The following RET variants were observed in gnomAD, a reference collection of about 807,000 sequenced individuals.
RET encodes proto-oncogene tyrosine-protein kinase receptor Ret.
A neutral mutation model predicts 118.3 loss-of-function variants in RET; 19 were observed. The observed-to-expected ratio is 0.16, with a 90% CI of 0.11 to 0.24. The LOEUF (loss-of-function observed/expected upper bound fraction) is 0.24, where lower values mean the gene tolerates loss of function less well. Ranked by LOEUF, RET falls within the 10% of genes least tolerant of loss-of-function variation. RET has a pLI of 1.00. For missense variants in RET, 1,219 were observed against 1,502.1 expected, an observed-to-expected ratio of 0.81 and a Z score of 3.12; for synonymous variants, 597 against 644.1, an observed-to-expected ratio of 0.93 and a Z score of 1.11.
intron 19 of RET, chr10:43,127,455 G>A: frequency 1.9e-6 from 2 of 1,048,684 alleles, no homozygotes; most frequent in Non-Finnish European, 2.3e-6. Flanking sequence ...CAGTAAATAT[G>A]GTTCTTGCCA....
chr10:43,095,308 G>A (rs1338025781), intron 1 of RET, among the ~76,000 whole-genome samples: 1 of 152,084 alleles, frequency 6.6e-6, no homozygotes, highest in African/African-American at 2.4e-5. Context: ...CTGTCTCGTG[G>A]ACTGCCCGGG....
intron 1 of RET, among the ~76,000 whole-genome samples, chr10:43,092,636 G>A (rs564208418): frequency 2.2e-4 from 34 of 152,370 alleles, no homozygotes; most frequent in African/African-American, 7.9e-4. Flanking sequence ...ACAGAGCCGA[G>A]GACCCAGGTT....
intron 1 of RET, among the ~76,000 whole-genome samples, chr10:43,078,537 G>A (rs1039538777): frequency 3.3e-5 from 5 of 152,242 alleles, no homozygotes; most frequent in Admixed American, 6.5e-5. Flanking sequence ...TATCTTTTCT[G>A]AGTGTTAGGA....
chr10:43,110,738 C>G (rs897891638), intron 6 of RET, among the ~76,000 whole-genome samples: 1 of 152,164 alleles, frequency 6.6e-6, no homozygotes, highest in African/African-American at 2.4e-5. Context: ...CAGGGGACAC[C>G]AGGGCAGGGT....
chr10:43,090,029 C>T (rs1837378910), intron 1 of RET, among the ~76,000 whole-genome samples: 1 of 152,206 alleles, frequency 6.6e-6, no homozygotes, highest in Non-Finnish European at 1.5e-5. Context: ...CGAGCGAGCA[C>T]CAGGGCCCGG....
rs141016377 is a variant in RET at position 43,129,595 on chromosome 10, T to C, written c.*1326T>C. The C allele has an allele frequency of 7.8e-5, 19 of 245,020 alleles. No homozygotes were observed. Among genetic ancestry groups the C allele is most frequent in the African/African-American group, 3.0e-4 (14 of 45,966 alleles). 15.2% of individuals were successfully genotyped at this position (245,020 alleles called of 1,614,324 possible). A position where few individuals can be genotyped will look rare whatever the true frequency, so the allele number is the denominator to read the frequency against. On this transcript the variant is annotated 3_prime_UTR_variant, in exon 20 of 20. Coordinates refer to ENST00000355710, the MANE Select transcript of RET (RefSeq NM_020975.6). ...GCTCTTCTGGCTGTGTTGTCAGCACTGTAACTTCGCAGAAAAGAGTCGGAT... is the reference window on the plus strand; with the variant it reads ...GCTCTTCTGGCTGTGTTGTCAGCACCGTAACTTCGCAGAAAAGAGTCGGAT...
intron 5 of RET, among the ~76,000 whole-genome samples, chr10:43,108,286 C>T (rs1410991246): frequency 6.6e-6 from 1 of 151,870 alleles, no homozygotes; most frequent in Non-Finnish European, 1.5e-5. Context: ...CCTGGGAGGT[C>T]AAGGCTGCAA....
chr10:43,088,126 GTGA>G (rs1253886942), intron 1 of RET, among the ~76,000 whole-genome samples: 1 of 151,946 alleles, frequency 6.6e-6, no homozygotes, highest in Non-Finnish European at 1.5e-5. Context: ...GGTGAAGGTG[GTGA>G]TGGTGGTGGA....
intron 1 of RET, among the ~76,000 whole-genome samples, chr10:43,099,591 C>T (rs151051074): frequency 1.2e-3 from 177 of 152,288 alleles, no homozygotes; most frequent in Middle Eastern, 6.8e-3. Context: ...CGGACCTTAG[C>T]TGCACAATAC....
intron 1 of RET, among the ~76,000 whole-genome samples, chr10:43,080,371 G>A (rs1837152863): frequency 6.6e-6 from 1 of 152,224 alleles, no homozygotes; most frequent in African/African-American, 2.4e-5. Context: ...GGGGCTCACA[G>A]TGCACTGCCC....
intron 11 of RET, among the ~76,000 whole-genome samples, chr10:43,116,050 C>A (rs749750799): frequency 3.3e-5 from 5 of 152,270 alleles, no homozygotes; most frequent in South Asian, 4.1e-4. Context: ...GGAAGGCATC[C>A]GGAGCAGTCC....
In RET at chr10:43,124,994, G is replaced by C. The variant is rs749928426; in HGVS notation, c.3039+12G>C. The C allele has an allele frequency of 3.7e-6, 6 of 1,613,240 alleles. No homozygotes were observed. The highest frequency in any genetic ancestry group is 5.1e-6 in the Non-Finnish European group (6 of 1,179,358). On this transcript the variant is annotated intron_variant, in intron 18 of 19. Coordinates refer to ENST00000355710, the MANE Select transcript of RET (RefSeq NM_020975.6). ...TGGTTAAGAGGAGAGTGAGTGCCTG[G>C]GTCCAATTCCCACAAGCTGAAAGTG... is the stretch of plus-strand genomic sequence containing the variant.
rs767945255 is a variant in RET at position 43,119,561 on chromosome 10, A to C, written c.2423A>C (p.Lys808Thr). Residue 808 changes from lysine (K) to threonine (T), a missense_variant, in exon 14 of 20, where the codon AAA (lysine) becomes ACA (threonine). This residue lies in a region of RET where 850 missense variants were observed against 969.6 expected (regional missense o/e 0.88). Transcript: ENST00000355710. ...GPLLLIVEYAKYGSLRGFLRE... is the reference protein window; with the variant it reads ...GPLLLIVEYATYGSLRGFLRE... The stretch of plus-strand genomic sequence containing the variant: ...CTCCTCCTCATCGTGGAGTACGCCA[A>C]ATACGGCTCCCTGCGGGGCTTCCTC... 8.7e-6 allele frequency: 14 copies of C among 1,609,122 alleles called. No homozygotes were observed. Among genetic ancestry groups the C allele is most frequent in the African/African-American group, 1.3e-5 (1 of 74,802 alleles).
In RET at chr10:43,128,112, G is replaced by T; in HGVS notation, c.3188G>T (p.Gly1063Val). ...PSTWIENKLY[G>V]MSDPNWPGES... ...ACAAATGATCTGTTTTCATTTTTAG[G>T]CATGTCAGACCCGAACTGGCCTGGA... The change falls in exon 20 of 20, where the codon GGC (glycine) becomes GTC (valine). Residue 1063 changes from glycine to valine, a missense_variant and splice_region_variant. Transcript: ENST00000355710. 6.2e-7 allele frequency: 1 copy of T among 1,614,080 alleles called. No individual in the cohort carries two copies. Among genetic ancestry groups the T allele is most frequent in the African/African-American group, 1.3e-5 (1 of 75,028 alleles).
At chr10:43,104,791 C>CCGAGGGCA in intron 3 of RET, 161 bp from the exon 4 acceptor site, 1 of 1,107,138 alleles carries the variant, frequency 9.0e-7, no homozygotes, top group Non-Finnish European at 1.3e-6. Context: ...ACTGCAAACT[C>CCGAGGGCA]GTGCTCCGAG....
chr10:43,106,667 G>C lies in RET; in HGVS notation c.1063+96G>C. ...AGCACCCTACACACATGCACACCTG[G>C]CATGGCCCTCTGTGGCCCAAGCCAC... On this transcript the variant is annotated intron_variant, in intron 5 of 19. Coordinates refer to ENST00000355710, the MANE Select transcript of RET (RefSeq NM_020975.6). The surrounding 1 kb of genome is among the most constrained non-coding windows in gnomAD (Gnocchi z 5.1). 7.6e-7 allele frequency: 1 copy of C among 1,312,304 alleles called. No individual in the cohort carries two copies. The highest frequency in any genetic ancestry group is 1.1e-6 in the Non-Finnish European group (1 of 936,432). 81.3% of individuals were successfully genotyped at this position (1,312,304 alleles called of 1,614,324 possible).
intron 1 of RET, among the ~76,000 whole-genome samples, chr10:43,091,645 C>G (rs1189231202): frequency 6.9e-6 from 1 of 144,872 alleles, no homozygotes; most frequent in African/African-American, 2.5e-5. Flanking sequence ...AAAAAAAAAA[C>G]CCAACAACAA....
intron 6 of RET, 81 bp downstream of exon 6, chr10:43,109,311 C>G (rs112619511): frequency 8.6e-6 from 12 of 1,393,988 alleles, no homozygotes; most frequent in African/African-American, 1.4e-5. Context: ...GTGACACTGC[C>G]TCTTGGCCCA....
At chr10:43,126,232 G>C (rs1373100024) in intron 18 of RET, among the ~76,000 whole-genome samples, 2 of 152,240 alleles carry the variant, frequency 1.3e-5, no homozygotes, top group Non-Finnish European at 2.9e-5. Context: ...TCTCCGGGTT[G>C]GGCCAGGGGC....
Sources: gnomAD v4.1 joint callset for allele counts (sites outside exome capture counted in the v4.1 genomes callset) on GRCh38, gnomAD v4.1.1 for gene constraint, gnomAD v4.1.1 regional missense constraint, Gnocchi (gnomAD v3.1) non-coding constraint, MANE v1.5 for transcripts, NCBI Gene and HGNC (gene_info 2026-07-23, HGNC 2026-07-21) for gene names.